AR: variants seen among roughly 807,000 people sequenced by gnomAD.
AR encodes the protein dihydrotestosterone receptor.
Under a neutral mutation model 53.9 loss-of-function variants are expected in AR, and 8 were observed. The observed-to-expected ratio is 0.15, with a 90% CI of 0.09 to 0.27. The LOEUF is 0.27. Ranked by LOEUF, AR falls within the 10% of genes least tolerant of loss-of-function variation. The pLI, the probability that AR is intolerant of heterozygous loss-of-function variation, is 1.00. For synonymous variants in AR, 359 were observed against 316.4 expected (o/e 1.13, Z -1.43); for missense variants, 639 against 742.5 (o/e 0.86, Z 1.62).
At chrX:67,653,951 AAAAT>A (rs1487906205) in intron 2 of AR, among the ~76,000 whole-genome samples, 5 of 111,922 alleles carry the variant, frequency 4.5e-5, no homozygotes, top group Non-Finnish European at 9.4e-5. Flanking sequence ...ATTAAAATAA[AAAAT>A]AAAAATATAA....
At chrX:67,676,472 T>C (rs1268232384) in intron 2 of AR, among the ~76,000 whole-genome samples, 2 of 112,492 alleles carry the variant, frequency 1.8e-5, no homozygotes, top group Non-Finnish European at 3.8e-5. Context: ...ATTTTGCTTA[T>C]AGAGACAATT....
chrX:67,669,482 T>C (rs1927433553), intron 2 of AR, among the ~76,000 whole-genome samples: 1 of 111,716 alleles, frequency 9.0e-6, no homozygotes, highest in South Asian at 3.7e-4. Context: ...TCATTGAGAA[T>C]GATCCATATG....
chrX:67,627,147 G>A (rs1156294629), intron 1 of AR, among the ~76,000 whole-genome samples: 4 of 111,078 alleles, frequency 3.6e-5, no homozygotes, highest in African/African-American at 6.6e-5. Context: ...TATATACCCA[G>A]TAATGGGATG....
intron 1 of AR, among the ~76,000 whole-genome samples, chrX:67,641,911 G>A (rs1411023265): frequency 9.7e-6 from 1 of 103,117 alleles, no homozygotes; most frequent in Non-Finnish European, 2.0e-5. Context: ...CAAACCAAAA[G>A]GCCATTGGTG....
At chrX:67,640,670 T>A (rs1925707386) in intron 1 of AR, among the ~76,000 whole-genome samples, 1 of 111,372 alleles carries the variant, frequency 9.0e-6, no homozygotes, top group Non-Finnish European at 1.9e-5. Context: ...GATATCCCCT[T>A]TATCATTTTT....
chrX:67,594,058 G>A (rs928945707), intron 1 of AR, among the ~76,000 whole-genome samples: 3 of 111,966 alleles, frequency 2.7e-5, no homozygotes, highest in Non-Finnish European at 5.6e-5. Flanking sequence ...ACAGTAGTGC[G>A]CTCATGGCTT....
chrX:67,622,129 A>G (rs773042454), intron 1 of AR, among the ~76,000 whole-genome samples: 1 of 112,400 alleles, frequency 8.9e-6, no homozygotes, highest in Non-Finnish European at 1.9e-5. Context: ...TGTGAGAAAA[A>G]TATTGGTTCA....
intron 2 of AR, among the ~76,000 whole-genome samples, chrX:67,663,853 G>A (rs774331995): frequency 1.8e-4 from 20 of 110,603 alleles, no homozygotes; most frequent in South Asian, 1.1e-3. Flanking sequence ...TGAACTTCTC[G>A]CTTCATTTCA....
chrX:67,587,968 A>G (rs752265143), intron 1 of AR, among the ~76,000 whole-genome samples: 1 of 109,676 alleles, frequency 9.1e-6, no homozygotes, highest in East Asian at 2.9e-4. Context: ...CCATGTTGAA[A>G]TGCACTGCTC....
chrX:67,560,739 T>C (rs1190814961), intron 1 of AR, among the ~76,000 whole-genome samples: 2 of 111,820 alleles, frequency 1.8e-5, no homozygotes, highest in Non-Finnish European at 3.8e-5. Context: ...CCTCACTCTC[T>C]TGTTTTTTGA....
At chrX:67,668,079 A>G (rs1247823729) in intron 2 of AR, among the ~76,000 whole-genome samples, 1 of 111,670 alleles carries the variant, frequency 9.0e-6, no homozygotes, top group Non-Finnish European at 1.9e-5. Flanking sequence ...TGATTGCTCT[A>G]ACTAGGACTT....
chrX:67,595,712 G>C (rs1005452927), intron 1 of AR, among the ~76,000 whole-genome samples: 6 of 108,957 alleles, frequency 5.5e-5, no homozygotes, highest in Non-Finnish European at 9.5e-5. Context: ...TACTCAGAAG[G>C]CCGAGTTGGG....
intron 3 of AR, among the ~76,000 whole-genome samples, chrX:67,692,563 A>G (rs2076000402): frequency 8.9e-6 from 1 of 112,268 alleles, no homozygotes; most frequent in East Asian, 2.8e-4. Flanking sequence ...CCTTGTTTCT[A>G]GTCTTGGTTC....
intron 2 of AR, among the ~76,000 whole-genome samples, chrX:67,678,085 G>A (rs772249661): frequency 1.1e-4 from 12 of 110,179 alleles, no homozygotes; most frequent in Non-Finnish European, 2.3e-4. Flanking sequence ...TAAAATAGGG[G>A]GGTATGAAGA....
At chrX:67,584,250 T>C (rs181327396) in intron 1 of AR, among the ~76,000 whole-genome samples, 3 of 112,179 alleles carry the variant, frequency 2.7e-5, no homozygotes, top group Admixed American at 9.4e-5. Flanking sequence ...GAACAGTTCA[T>C]GGATGAGTGA....
At chrX:67,683,152 CAT>C (rs1485233992) in intron 2 of AR, among the ~76,000 whole-genome samples, 2 of 112,002 alleles carry the variant, frequency 1.8e-5, no homozygotes, top group Non-Finnish European at 3.8e-5. Flanking sequence ...TGAATACACA[CAT>C]GTACATTAGC....
chrX:67,591,851 T>G (rs1197023988), intron 1 of AR, among the ~76,000 whole-genome samples: 1 of 111,808 alleles, frequency 8.9e-6, no homozygotes, highest in Non-Finnish European at 1.9e-5. Context: ...GTAAAATAAT[T>G]TCTTCCCTTA....
rs72627671 is a variant in AR at position 67,728,487 on chromosome X, T to G, written c.*4646T>G. 126 of 134,113 alleles carry G rather than the reference T, an allele frequency of 9.4e-4. 1 individual carries two copies. The highest frequency in any genetic ancestry group is 8.1e-3 in the East Asian group (72 of 8,872). The allele number at this position is 134,113 out of a possible 1,213,427, so 11.1% of individuals were successfully genotyped here. A position where few individuals can be genotyped will look rare whatever the true frequency, so the allele number is the denominator to read the frequency against. On this transcript the variant is annotated 3_prime_UTR_variant, in exon 8 of 8. Transcript: ENST00000374690. ...CAGAAATCCTTATTTCTGCCCACTTTGGATGGCACAAAAAGTTATCTGCAG... is the reference window on the plus strand; with the variant it reads ...CAGAAATCCTTATTTCTGCCCACTTGGGATGGCACAAAAAGTTATCTGCAG...
At chrX:67,618,406 C>T (rs778490514) in intron 1 of AR, among the ~76,000 whole-genome samples, 2 of 111,068 alleles carry the variant, frequency 1.8e-5, no homozygotes, top group South Asian at 3.8e-4. Context: ...AATTAAGATG[C>T]CCTTTGAGAG....
Sources: gnomAD v4.1 joint callset for allele counts (sites outside exome capture counted in the v4.1 genomes callset) on GRCh38, gnomAD v4.1.1 for gene constraint, MANE v1.5 for transcripts, NCBI Gene and HGNC (gene_info 2026-07-23, HGNC 2026-07-21) for gene names.